The following GRIN2A variants were observed in gnomAD, a reference collection of about 807,000 sequenced individuals.
The protein encoded by GRIN2A is glutamate ionotropic receptor NMDA type subunit 2A, also known as glutamate receptor ionotropic, NMDA 2A.
GRIN2A carries 22 observed loss-of-function variants against 113.4 expected under a neutral mutation model. The observed-to-expected ratio is 0.19, with a 90% CI of 0.14 to 0.28. The LOEUF (loss-of-function observed/expected upper bound fraction) is 0.28, where lower values mean the gene tolerates loss of function less well. Among genes scored for constraint, GRIN2A ranks in the 10% least tolerant of loss-of-function variants. GRIN2A has a pLI of 1.00. For synonymous variants in GRIN2A, 827 were observed against 738.4 expected (o/e 1.12, Z -1.94); for missense variants, 1,502 against 1,887.0 (o/e 0.80, Z 3.78).
At position 10,123,273 on chromosome 16, in the gene GRIN2A, G is replaced by A. The variant is rs376983015; in HGVS notation, c.414+56725C>T. ...AGGGACACTCCAGCAACCCTGGCTCGGGGCTCCCTGCGTACTTAGATGTAA... is the reference window on the plus strand; with the variant it reads ...AGGGACACTCCAGCAACCCTGGCTCAGGGCTCCCTGCGTACTTAGATGTAA... On this transcript the variant is annotated intron_variant, in intron 2 of 12. Transcript: ENST00000330684. 2.4e-4 allele frequency among the ~76,000 whole-genome samples: 37 copies of A among 152,260 alleles called. No individual in the cohort carries two copies. The South Asian group carries it at 2.5e-3, about 10-fold the overall frequency.
chr16:9,844,709 C>T (rs192481336), intron 5 of GRIN2A, among the ~76,000 whole-genome samples: 30 of 152,318 alleles, frequency 2.0e-4, no homozygotes, highest in African/African-American at 4.8e-4. Flanking sequence ...CTGTCCACCA[C>T]GCAGACTCAG....
At chr16:10,125,959 G>A (rs1003911869) in intron 2 of GRIN2A, among the ~76,000 whole-genome samples, 4 of 152,038 alleles carry the variant, frequency 2.6e-5, no homozygotes, top group African/African-American at 7.2e-5. Flanking sequence ...CAGGAGGTGG[G>A]AGACAAAATG....
chr16:9,939,703 A>G (rs1237449325), intron 2 of GRIN2A, among the ~76,000 whole-genome samples: 2 of 152,184 alleles, frequency 1.3e-5, no homozygotes, highest in Non-Finnish European at 2.9e-5. Context: ...CCTCAGTGCC[A>G]TGACTCTGCA....
chr16:10,104,850 C>A (rs2048464901), intron 2 of GRIN2A, among the ~76,000 whole-genome samples: 1 of 152,122 alleles, frequency 6.6e-6, no homozygotes, highest in African/African-American at 2.4e-5. Flanking sequence ...TTCCATGTCC[C>A]TTGTGAGCGC....
chr16:9,977,692 C>T (rs1188717346), intron 2 of GRIN2A, among the ~76,000 whole-genome samples: 1 of 152,090 alleles, frequency 6.6e-6, no homozygotes, highest in Non-Finnish European at 1.5e-5. Context: ...CCACTCTCCT[C>T]CTCATATCCC....
chr16:9,975,832 A>C (rs1204708013), intron 2 of GRIN2A, among the ~76,000 whole-genome samples: 1 of 152,254 alleles, frequency 6.6e-6, no homozygotes, highest in African/African-American at 2.4e-5. Flanking sequence ...AAAAAGATAC[A>C]ACACACAACC....
At chr16:10,139,956 T>A (rs889421101) in intron 2 of GRIN2A, among the ~76,000 whole-genome samples, 3 of 152,076 alleles carry the variant, frequency 2.0e-5, no homozygotes, top group African/African-American at 7.2e-5. Flanking sequence ...GTCTCCAGAG[T>A]AGCTGGGATT....
At chr16:9,861,628 G>C (rs570803961) in intron 4 of GRIN2A, among the ~76,000 whole-genome samples, 1 of 152,330 alleles carries the variant, frequency 6.6e-6, no homozygotes, top group African/African-American at 2.4e-5. Context: ...GGAGGACTTT[G>C]CAGTTGAGTT....
chr16:9,868,097 T>G (rs1258186750), intron 4 of GRIN2A, among the ~76,000 whole-genome samples: 1 of 152,184 alleles, frequency 6.6e-6, no homozygotes, highest in African/African-American at 2.4e-5. Context: ...TCACCAAGCC[T>G]TGATAGTTCT....
intron 3 of GRIN2A, among the ~76,000 whole-genome samples, chr16:9,911,284 T>C (rs1029623981): frequency 1.1e-4 from 17 of 152,124 alleles, no homozygotes; most frequent in Non-Finnish European, 2.4e-4. Flanking sequence ...GCCAGGAGTT[T>C]GAGACCAGCT....
intron 2 of GRIN2A, among the ~76,000 whole-genome samples, chr16:9,948,691 G>A (rs145052522): frequency 1.4e-3 from 206 of 152,312 alleles, no homozygotes; most frequent in African/African-American, 4.5e-3. Context: ...AGAACATACT[G>A]CATGGGAGTA....
At chr16:10,115,237 T>G (rs537406301) in intron 2 of GRIN2A, among the ~76,000 whole-genome samples, 1 of 152,254 alleles carries the variant, frequency 6.6e-6, no homozygotes, top group African/African-American at 2.4e-5. Context: ...AAGTTTTTTT[T>G]TTTCAGCTTA....
intron 8 of GRIN2A, among the ~76,000 whole-genome samples, chr16:9,833,904 G>A (rs1165972357): frequency 6.6e-6 from 1 of 152,058 alleles, no homozygotes; most frequent in Non-Finnish European, 1.5e-5. Context: ...ATTTTTAGTA[G>A]AGATGGGTTT....
At chr16:10,025,732 T>G (rs1356313863) in intron 2 of GRIN2A, among the ~76,000 whole-genome samples, 1 of 152,188 alleles carries the variant, frequency 6.6e-6, no homozygotes, top group Admixed American at 6.5e-5. Flanking sequence ...AGGATACTGA[T>G]GTGAGCCATC....
chr16:10,085,680 A>G (rs2048072879), intron 2 of GRIN2A, among the ~76,000 whole-genome samples: 1 of 152,136 alleles, frequency 6.6e-6, no homozygotes, highest in African/African-American at 2.4e-5. Flanking sequence ...GTCTTTTGAG[A>G]TGGCCTGTTT....
chr16:10,038,429 ACT>A (rs1370700792), intron 2 of GRIN2A, among the ~76,000 whole-genome samples: 3 of 151,808 alleles, frequency 2.0e-5, no homozygotes, highest in Non-Finnish European at 4.4e-5. Context: ...GGGCTGGATA[ACT>A]CTGCATTGGA....
intron 3 of GRIN2A, among the ~76,000 whole-genome samples, chr16:9,892,276 G>A (rs1437726493): frequency 2.0e-5 from 3 of 152,186 alleles, no homozygotes; most frequent in East Asian, 1.9e-4. Flanking sequence ...ACATAGAAGC[G>A]AGGGTGACAT....
chr16:9,940,944 C>T (rs565388449), intron 2 of GRIN2A, among the ~76,000 whole-genome samples: 1 of 152,254 alleles, frequency 6.6e-6, no homozygotes, highest in Non-Finnish European at 1.5e-5. Flanking sequence ...CAATTATATT[C>T]GCCAACCTCA....
intron 3 of GRIN2A, among the ~76,000 whole-genome samples, chr16:9,902,958 T>TGGGGGGG (rs2043957460): frequency 2.8e-5 from 1 of 35,758 alleles, no homozygotes; most frequent in Non-Finnish European, 4.8e-5. Context: ...TTTTTTTTTT[T>TGGGGGGG]TGGCGGGGGG....
Sources: gnomAD v4.1 joint callset for allele counts (sites outside exome capture counted in the v4.1 genomes callset) on GRCh38, gnomAD v4.1.1 for gene constraint, MANE v1.5 for transcripts, NCBI Gene and HGNC (gene_info 2026-07-23, HGNC 2026-07-21) for gene names.